Variants in NPFFR1 observed in about 807,000 individuals in gnomAD.
The protein encoded by NPFFR1 is neuropeptide FF receptor 1, also known as G-protein coupled receptor 147.
NPFFR1 carries 17 observed loss-of-function variants against 12.7 expected under a neutral mutation model. The observed-to-expected ratio is 1.34, with a 90% CI of 0.92 to 2.01. The LOEUF is 2.01. Among genes scored for constraint, NPFFR1 ranks in the 30% most tolerant of loss-of-function variants. NPFFR1 has a pLI of 0.00. For missense variants in NPFFR1, 604 were observed against 606.5 expected, an observed-to-expected ratio of 1.00 and a Z score of 0.04; for synonymous variants, 296 against 264.5, an observed-to-expected ratio of 1.12 and a Z score of -1.16.
intron 2 of NPFFR1, among the ~76,000 whole-genome samples, chr10:70,264,365 C>G (rs1362894158): frequency 7.9e-5 from 1 of 12,666 alleles, no homozygotes; most frequent in Admixed American, 1.2e-3. Flanking sequence ...CAGTGAGACT[C>G]CAAAAAAAAA....
chr10:70,258,394 C>T (rs372058831), intron 3 of NPFFR1, among the ~76,000 whole-genome samples: 23 of 152,188 alleles, frequency 1.5e-4, no homozygotes, highest in African/African-American at 5.5e-4. Context: ...CCCCCTGCAG[C>T]ATGGTTCAAA....
At chr10:70,268,811 G>T (rs955677532) in intron 1 of NPFFR1, among the ~76,000 whole-genome samples, 1 of 152,168 alleles carries the variant, frequency 6.6e-6, no homozygotes, top group African/African-American at 2.4e-5. Flanking sequence ...AAGTCACAAG[G>T]GATGCCCAGG....
intron 2 of NPFFR1, among the ~76,000 whole-genome samples, chr10:70,263,902 A>G (rs10999222): frequency 0.35 from 52,838 of 151,576 alleles, 9,351 homozygotes; most frequent in South Asian, 0.55. Context: ...GCTTGAACCC[A>G]GGAGTTTGAG....
At chr10:70,259,502 A>C (rs936997406) in intron 3 of NPFFR1, among the ~76,000 whole-genome samples, 3 of 152,138 alleles carry the variant, frequency 2.0e-5, no homozygotes, top group African/African-American at 7.2e-5. Context: ...TTCAACAATG[A>C]TAACAAAACA....
Position 70,247,819 on chromosome 10 carries a change from G to A in NPFFR1, c.*7138C>T, listed in dbSNP as rs1840464991. 6.6e-6 allele frequency: 1 copy of A among 152,276 alleles called. No homozygotes were observed. The highest frequency in any genetic ancestry group is 1.5e-5 in the Non-Finnish European group (1 of 68,082). The allele number at this position is 152,276 out of a possible 1,614,324, so 9.4% of individuals were successfully genotyped here. A position where few individuals can be genotyped will look rare whatever the true frequency, so the allele number is the denominator to read the frequency against. On this transcript the variant is annotated 3_prime_UTR_variant, in exon 4 of 4. Coordinates refer to ENST00000277942, the MANE Select transcript of NPFFR1 (RefSeq NM_022146.5). The stretch of plus-strand genomic sequence containing the variant: ...GAACACAAACAACTCAAGGCAGGAC[G>A]CTACAGCCAGTTCAGCAGCTTTTGC...
chr10:70,283,522 T>G lies in NPFFR1; in HGVS notation c.7+148A>C, dbSNP rs959254830. ...AGGTCTCTCTCCCTCACTCAGTGTCTCTGTCTCTGTCACACACAGAGTGTC... is the reference window on the plus strand; with the variant it reads ...AGGTCTCTCTCCCTCACTCAGTGTCGCTGTCTCTGTCACACACAGAGTGTC... On this transcript the variant is annotated intron_variant, in intron 1 of 3. Coordinates refer to ENST00000277942, the MANE Select transcript of NPFFR1 (RefSeq NM_022146.5). 9.6e-6 allele frequency: 8 copies of G among 834,066 alleles called. No individual in the cohort carries two copies. In the African/African-American group the frequency reaches 1.2e-4, roughly 12 times the overall value. 51.7% of individuals were successfully genotyped at this position (834,066 alleles called of 1,614,324 possible).
At chr10:70,272,849 A>G (rs1266928895) in intron 1 of NPFFR1, among the ~76,000 whole-genome samples, 2 of 152,206 alleles carry the variant, frequency 1.3e-5, no homozygotes, top group Non-Finnish European at 2.9e-5. Context: ...AGGTCTCAGG[A>G]TGAGAGGGAA....
intron 1 of NPFFR1, among the ~76,000 whole-genome samples, chr10:70,267,976 A>C (rs1840713686): frequency 6.6e-6 from 1 of 152,248 alleles, no homozygotes; most frequent in African/African-American, 2.4e-5. Flanking sequence ...AAGGACTTCC[A>C]ACTGTACTCA....
At chr10:70,277,870 C>A (rs978108677) in intron 1 of NPFFR1, 10 of 493,328 alleles carry the variant, frequency 2.0e-5, no homozygotes, top group Non-Finnish European at 3.7e-5. Flanking sequence ...GGGTTACTGC[C>A]CGGCTAACCA....
intron 1 of NPFFR1, among the ~76,000 whole-genome samples, chr10:70,283,341 C>G (rs1455575057): frequency 1.3e-5 from 2 of 150,726 alleles, no homozygotes; most frequent in Admixed American, 1.3e-4. Flanking sequence ...GTCTCTGTCT[C>G]TGTCTCTCTC....
rs1455815616 is a variant in NPFFR1 at position 70,255,384 on chromosome 10, A to G, written c.866T>C (p.Leu289Pro). Residue 289 changes from leucine (L) to proline (P), a missense_variant, in exon 4 of 4, where the codon CTG becomes CCG. Leu to Pro is a moderately conservative substitution (Grantham distance 98). Transcript: ENST00000277942. This position sits in a 1 kb window ranked among gnomAD's most constrained non-coding sequence, Gnocchi z 4.2. ...FTLSWLPLWA[L>P]LLLIDYGQLS... ...CTGCCCGTAGTCGATGAGCAGCAGC[A>G]GCGCCCAGAGCGGCAGCCAGGACAG... 1.3e-6 allele frequency: 2 copies of G among 1,548,644 alleles called. No homozygotes were observed. Among genetic ancestry groups the G allele is most frequent in the Non-Finnish European group, 1.7e-6 (2 of 1,149,624 alleles).
intron 1 of NPFFR1, among the ~76,000 whole-genome samples, chr10:70,270,517 C>T (rs1021706124): frequency 1.3e-5 from 2 of 152,236 alleles, no homozygotes; most frequent in East Asian, 3.9e-4. Flanking sequence ...CTCAAGTAAG[C>T]TCATCTTCCG....
At chr10:70,256,876 A>G (rs1015047714) in intron 3 of NPFFR1, among the ~76,000 whole-genome samples, 70 of 152,220 alleles carry the variant, frequency 4.6e-4, no homozygotes, top group African/African-American at 1.6e-3. Flanking sequence ...TCAACAACAA[A>G]GACAAAACCC....
chr10:70,275,023 A>G (rs1215271147), intron 1 of NPFFR1, among the ~76,000 whole-genome samples: 1 of 152,176 alleles, frequency 6.6e-6, no homozygotes, highest in Non-Finnish European at 1.5e-5. Context: ...CCTCCATCCC[A>G]GGCACCCACC....
At chr10:70,257,184 C>A (rs186090260) in intron 3 of NPFFR1, among the ~76,000 whole-genome samples, 1 of 152,066 alleles carries the variant, frequency 6.6e-6, no homozygotes, top group Non-Finnish European at 1.5e-5. Flanking sequence ...TCACTTGAGT[C>A]CAGGAGTGTA....
chr10:70,256,634 T>A (rs1018304085), intron 3 of NPFFR1, among the ~76,000 whole-genome samples: 1 of 152,342 alleles, frequency 6.6e-6, no homozygotes, highest in South Asian at 2.1e-4. Flanking sequence ...TGAGGACAAC[T>A]CAGCATCTGT....
chr10:70,260,413 G>A (rs536572976), intron 3 of NPFFR1, among the ~76,000 whole-genome samples: 53 of 152,132 alleles, frequency 3.5e-4, no homozygotes, highest in Non-Finnish European at 6.8e-4. Flanking sequence ...GCCAACCAAG[G>A]CTACCTTCAG....
At chr10:70,274,771 T>C (rs1350187087) in intron 1 of NPFFR1, among the ~76,000 whole-genome samples, 1 of 152,230 alleles carries the variant, frequency 6.6e-6, no homozygotes, top group African/African-American at 2.4e-5. Flanking sequence ...CAAAGGGCCT[T>C]GCAGAACTTC....
rs1159726085 is a variant in NPFFR1, at chr10:70,254,063, G to C, written c.*894C>G. The C allele has an allele frequency of 2.6e-5, 4 of 152,228 alleles. No homozygotes were observed. The highest frequency in any genetic ancestry group is 4.4e-5 in the Non-Finnish European group (3 of 68,048). The allele number at this position is 152,228 out of a possible 1,614,324, so 9.4% of individuals were successfully genotyped here. A position where few individuals can be genotyped will look rare whatever the true frequency, so the allele number is the denominator to read the frequency against. On this transcript the variant is annotated 3_prime_UTR_variant, in exon 4 of 4. Coordinates refer to ENST00000277942, the MANE Select transcript of NPFFR1 (RefSeq NM_022146.5). Reference sequence around the variant, plus strand: ...TTTGTACCTGCAGCCCCAGTGAGCAGATGTGTTTCCCAATGTGGAAAATGC... The same window carrying C: ...TTTGTACCTGCAGCCCCAGTGAGCACATGTGTTTCCCAATGTGGAAAATGC...
Sources: gnomAD v4.1 joint callset for allele counts (sites outside exome capture counted in the v4.1 genomes callset) on GRCh38, gnomAD v4.1.1 for gene constraint, Gnocchi (gnomAD v3.1) non-coding constraint, MANE v1.5 for transcripts, NCBI Gene and HGNC (gene_info 2026-07-23, HGNC 2026-07-21) for gene names.